The following DOC2A variants were observed in gnomAD, a reference collection of about 807,000 sequenced individuals.
The protein encoded by DOC2A is double C2 domain alpha.
In DOC2A, 28 loss-of-function variants were observed where a neutral mutation model predicts 40.6. That is an observed-to-expected ratio of 0.69 (90% confidence interval 0.51 to 0.95). DOC2A has a LOEUF of 0.95. DOC2A is among the 40% of genes least tolerant of loss of function. The pLI, the probability that DOC2A is intolerant of heterozygous loss-of-function variation, is 0.00. For missense variants in DOC2A, 474 were observed against 552.5 expected, an observed-to-expected ratio of 0.86 and a Z score of 1.42; for synonymous variants, 241 against 236.9, an observed-to-expected ratio of 1.02 and a Z score of -0.16.
At chr16:30,007,727 G>A (rs373419518) in intron 5 of DOC2A, 21 of 280,578 alleles carry the variant, frequency 7.5e-5, no homozygotes, top group South Asian at 7.4e-4. Flanking sequence ...CAGCCCCGCA[G>A]GGACTCACTA....
rs192514978 is a variant in DOC2A, at chr16:30,009,702, T to A, written c.263-145A>T. The A allele has an allele frequency of 2.0e-4, 182 of 893,126 alleles. 1 individual carries two copies. The East Asian group carries it at 4.5e-3, about 22-fold the overall frequency. The allele number at this position is 893,126 out of a possible 1,614,324, so 55.3% of individuals were successfully genotyped here. ...GAGGCTGAGTGGGCCCATGCGTGTG[T>A]GCGTCTGGGTCCCTGGCTCGGCCGC... is the stretch of plus-strand genomic sequence containing the variant. On this transcript the variant is annotated intron_variant, in intron 2 of 10. Coordinates refer to ENST00000350119, the MANE Select transcript of DOC2A (RefSeq NM_003586.3). The surrounding 1 kb of genome is among the most constrained non-coding windows in gnomAD (Gnocchi z 4.1).
upstream of DOC2A, chr16:30,023,077 C>T (rs935281035): frequency 6.9e-5 from 26 of 375,774 alleles, no homozygotes; most frequent in South Asian, 1.5e-4. Flanking sequence ...ACACAGCTTC[C>T]TTTAGTTCGG....
Position 30,009,410 on chromosome 16 carries a change from G to A in DOC2A, c.342+68C>T, listed in dbSNP as rs1001441936. ...GAAGGAGCAGGCCTGGGAAGGGAAG[G>A]AGGAATGGGCCCCCTCTGGGGGCTG... On this transcript the variant is annotated intron_variant, in intron 3 of 10. Coordinates refer to ENST00000350119, the MANE Select transcript of DOC2A (RefSeq NM_003586.3). The surrounding 1 kb of genome is among the most constrained non-coding windows in gnomAD (Gnocchi z 4.1). 3 of 1,516,746 alleles carry A rather than the reference G, an allele frequency of 2.0e-6. No homozygotes were observed. The highest frequency in any genetic ancestry group is 2.7e-6 in the Non-Finnish European group (3 of 1,116,632). The allele number at this position is 1,516,746 out of a possible 1,614,324, so 94.0% of individuals were successfully genotyped here. A position where few individuals can be genotyped will look rare whatever the true frequency, so the allele number is the denominator to read the frequency against.
At chr16:30,016,056 T>TATATATATATATATATATATA (rs1491508395), upstream of DOC2A, among the ~76,000 whole-genome samples, 1 of 12,646 alleles carries the variant, frequency 7.9e-5, no homozygotes, top group African/African-American at 3.4e-4. Context: ...TATATATATA[T>TATATATATATATATATATATA]TTTTTTTTTT....
chr16:30,006,436 A>G lies in DOC2A; in HGVS notation c.1034T>C (p.Ile345Thr), dbSNP rs761033571. The stretch of plus-strand genomic sequence containing the variant: ...ACCAATGAAGTCATTGGATTTGCCA[A>G]TGTCATAGTCCCAGACGGTGACTTC... Reference protein sequence around the residue: ...TLEVTVWDYDIGKSNDFIGGV... With the variant: ...TLEVTVWDYDTGKSNDFIGGV... Residue 345 changes from isoleucine (I) to threonine (T), a missense_variant, in exon 10 of 11, where the codon ATT (isoleucine) becomes ACT (threonine). By Grantham distance (89) the Ile-to-Thr change is moderately conservative. Transcript: ENST00000350119. The surrounding 1 kb of genome is among the most constrained non-coding windows in gnomAD (Gnocchi z 6.2). 1.1e-5 allele frequency: 17 copies of G among 1,612,970 alleles called. No individual in the cohort carries two copies. Among genetic ancestry groups the G allele is most frequent in the South Asian group, 3.3e-5 (3 of 91,016 alleles).
chr16:30,009,853 C>A lies in DOC2A; in HGVS notation c.262+108G>T. ...TCCCTGCCACCCCCCCACTGCCCTC[C>A]TCCCCTACCTACATGCACAGCCAGC... On this transcript the variant is annotated intron_variant, in intron 2 of 10. Coordinates refer to ENST00000350119, the MANE Select transcript of DOC2A (RefSeq NM_003586.3). This position sits in a 1 kb window ranked among gnomAD's most constrained non-coding sequence, Gnocchi z 4.1. 7.4e-7 allele frequency: 1 copy of A among 1,351,420 alleles called. No homozygotes were observed. Among genetic ancestry groups the A allele is most frequent in the Non-Finnish European group, 1.0e-6 (1 of 961,192 alleles). 83.7% of individuals were successfully genotyped at this position (1,351,420 alleles called of 1,614,324 possible). A position where few individuals can be genotyped will look rare whatever the true frequency, so the allele number is the denominator to read the frequency against.
chr16:30,010,088 GCCC>G lies in DOC2A; in HGVS notation c.132_134del (p.Gly50del). 6.2e-7 allele frequency: 1 copy of G among 1,612,274 alleles called. No individual in the cohort carries two copies. The highest frequency in any genetic ancestry group is 8.5e-7 in the Non-Finnish European group (1 of 1,179,036). ...CGGGGGCCTCCCCGCCGCCCCCGCCGCCCCCTTCAGGTCCTGGTCCCCGGGGGA... is the reference window on the plus strand; with the variant it reads ...CGGGGGCCTCCCCGCCGCCCCCGCCGCCTTCAGGTCCTGGTCCCCGGGGGA... On this transcript the variant is annotated inframe_deletion, in exon 2 of 11. Coordinates refer to ENST00000350119, the MANE Select transcript of DOC2A (RefSeq NM_003586.3). The surrounding 1 kb of genome is among the most constrained non-coding windows in gnomAD (Gnocchi z 4.2).
chr16:30,017,438 A>G (rs1298173294), intron 1 of DOC2A, among the ~76,000 whole-genome samples: 1 of 152,194 alleles, frequency 6.6e-6, no homozygotes, highest in African/African-American at 2.4e-5. Context: ...TGATATGTAT[A>G]TGCCATGGAA....
upstream of DOC2A, chr16:30,021,316 G>A (rs1168077574): frequency 1.3e-5 from 2 of 152,304 alleles, no homozygotes; most frequent in Non-Finnish European, 2.9e-5. Context: ...GGAAACCCTG[G>A]AGTGTCCTTG....
Position 30,010,181 on chromosome 16 carries a change from C to T in DOC2A, c.42G>A (p.Gln14=). Residue 14 remains glutamine (Q), a synonymous_variant, in exon 2 of 11, where the codon CAG becomes CAA. Coordinates refer to ENST00000350119, the MANE Select transcript of DOC2A (RefSeq NM_003586.3). This position sits in a 1 kb window ranked among gnomAD's most constrained non-coding sequence, Gnocchi z 4.2. ...GGCACACGTTGATGGCCATGTGCTC[C>T]TGGATGTTGATGGTCATGCGATCGC... The part of the protein sequence containing the change: ...RRGDRMTINI[Q]EHMAINVCPG... 6.2e-7 allele frequency: 1 copy of T among 1,614,026 alleles called. No homozygotes were observed. Among genetic ancestry groups the T allele is most frequent in the East Asian group, 2.2e-5 (1 of 44,884 alleles).
intron 1 of DOC2A, chr16:30,018,862 G>A (rs2070882759): frequency 1.3e-5 from 2 of 152,388 alleles, no homozygotes; most frequent in African/African-American, 4.8e-5. Flanking sequence ...GAGAACTGGT[G>A]AGTGTGGTTC....
upstream of DOC2A, among the ~76,000 whole-genome samples, chr16:30,017,154 T>C (rs139211692): frequency 5.0e-3 from 755 of 151,870 alleles, 9 homozygotes; most frequent in African/African-American, 0.017. Flanking sequence ...TGGTGTGCAC[T>C]TGTAGTCCCA....
upstream of DOC2A, chr16:30,021,745 C>G (rs2070912547): frequency 6.6e-6 from 1 of 152,120 alleles, no homozygotes; most frequent in Non-Finnish European, 1.5e-5. Flanking sequence ...ACGCCTGCTA[C>G]TCCTCTCGGT....
upstream of DOC2A, among the ~76,000 whole-genome samples, chr16:30,013,071 T>C (rs1364372562): frequency 7.0e-6 from 1 of 141,854 alleles, no homozygotes; most frequent in East Asian, 2.1e-4. Flanking sequence ...CCAAAGTGTC[T>C]GGGCTGGGGG....
chr16:30,011,312 G>A (rs1478007512), upstream of DOC2A: 4 of 982,920 alleles, frequency 4.1e-6, no homozygotes, highest in Non-Finnish European at 4.8e-6. Flanking sequence ...ACACCCAGGC[G>A]CGCGCTGGCA....
chr16:30,012,973 A>G (rs1209983144), upstream of DOC2A, among the ~76,000 whole-genome samples: 1 of 151,936 alleles, frequency 6.6e-6, no homozygotes, highest in East Asian at 1.9e-4. Context: ...CCTGGGCTGT[A>G]AGAGCAAAAC....
chr16:30,006,907 A>G lies in DOC2A; in HGVS notation c.756T>C (p.Arg252=). Residue 252 remains arginine (R), a synonymous_variant, in exon 8 of 11, where the codon CGT becomes CGC. Coordinates refer to ENST00000350119, the MANE Select transcript of DOC2A (RefSeq NM_003586.3). This position sits in a 1 kb window ranked among gnomAD's most constrained non-coding sequence, Gnocchi z 6.2. ...AEQGQGLLEE[R]GRILLSLSYS... ...AGCTGAGACTCAGCAGGATGCGGCC[A>G]CGCTCCTCCAGCAGCCCCTGCCCCT... The G allele has an allele frequency of 6.2e-7, 1 of 1,613,046 alleles. No homozygotes were observed. Among genetic ancestry groups the G allele is most frequent in the Non-Finnish European group, 8.5e-7 (1 of 1,179,572 alleles).
chr16:30,020,755 G>A (rs1275246339), intron 1 of DOC2A, among the ~76,000 whole-genome samples: 1 of 152,152 alleles, frequency 6.6e-6, no homozygotes, highest in African/African-American at 2.4e-5. Context: ...GCTGAGGCAG[G>A]AGAATCGCTT....
Position 30,010,811 on chromosome 16 carries a change from C to T in DOC2A, c.-14+92G>A. 1 of 921,742 alleles carries T rather than the reference C, an allele frequency of 1.1e-6. No individual in the cohort carries two copies. Among genetic ancestry groups the T allele is most frequent in the Non-Finnish European group, 1.3e-6 (1 of 765,930 alleles). The allele number at this position is 921,742 out of a possible 1,614,324, so 57.1% of individuals were successfully genotyped here. A position where few individuals can be genotyped will look rare whatever the true frequency, so the allele number is the denominator to read the frequency against. On this transcript the variant is annotated intron_variant, in intron 1 of 10. Coordinates refer to ENST00000350119, the MANE Select transcript of DOC2A (RefSeq NM_003586.3). The surrounding 1 kb of genome is among the most constrained non-coding windows in gnomAD (Gnocchi z 4.2). Reference sequence around the variant, plus strand: ...CCTCAGGGGAGCCAGAAATTGCAGCCGCAGGAGAGCCGAACACCCCCGTAG... The same window carrying T: ...CCTCAGGGGAGCCAGAAATTGCAGCTGCAGGAGAGCCGAACACCCCCGTAG...
Sources: allele counts gnomAD v4.1 joint callset (sites outside exome capture counted in the v4.1 genomes callset), GRCh38; gene constraint gnomAD v4.1.1; non-coding constraint Gnocchi (gnomAD v3.1); transcripts MANE v1.5; gene names NCBI Gene and HGNC (gene_info 2026-07-23, HGNC 2026-07-21).